The following ABCA12 variants were observed in gnomAD, a reference collection of about 807,000 sequenced individuals.
ABCA12 encodes glucosylceramide transporter ABCA12.
ABCA12 carries 156 observed loss-of-function variants against 293.5 expected under a neutral mutation model. The observed-to-expected ratio is 0.53, with a 90% confidence interval of 0.47 to 0.61. The LOEUF (loss-of-function observed/expected upper bound fraction) is 0.61. Ranked by LOEUF, ABCA12 falls within the 20% of genes least tolerant of loss-of-function variation. The probability of loss-of-function intolerance (pLI) is 0.00; values close to 1 mark genes in which losing one functional copy is unlikely to be tolerated. For missense variants in ABCA12, 2,797 were observed against 3,090.2 expected (o/e 0.91, Z 2.25); for synonymous variants, 1,063 against 1,108.0 (o/e 0.96, Z 0.81).
At chr2:215,126,411 TG>T (rs1228780658) in intron 1 of ABCA12, among the ~76,000 whole-genome samples, 3 of 152,204 alleles carry the variant, frequency 2.0e-5, no homozygotes, top group African/African-American at 7.2e-5. Context: ...AGAATTCTGC[TG>T]TGAATCTGTC....
Position 215,010,370 on chromosome 2 carries a change from A to G in ABCA12, c.2433T>C (p.Tyr811=), listed in dbSNP as rs779356956. The G allele has an allele frequency of 6.2e-7, 1 of 1,613,740 alleles. No homozygotes were observed. Among genetic ancestry groups the G allele is most frequent in the Admixed American group, 1.7e-5 (1 of 59,998 alleles). The change falls in exon 18 of 53, where the codon TAT becomes TAC. Residue 811 remains tyrosine (Y), a synonymous_variant. Coordinates refer to ENST00000272895, the MANE Select transcript of ABCA12 (RefSeq NM_173076.3). ...LKPMLLGRIL[Y]APYNPVTKAI... ...CCTTTGTGACTGGGTTATATGGTGC[A>G]TACAAAATTCTTCCCAACAACATAG...
chr2:215,120,900 G>T (rs1180075025), intron 1 of ABCA12, among the ~76,000 whole-genome samples: 17 of 152,094 alleles, frequency 1.1e-4, no homozygotes, highest in Admixed American at 1.0e-3. Flanking sequence ...CTTCCCCTAG[G>T]CAACTTTAAC....
At chr2:215,010,590 T>C in intron 17 of ABCA12, 120 bp from the exon 18 acceptor site, 1 of 1,141,344 alleles carries the variant, frequency 8.8e-7, no homozygotes, top group Non-Finnish European at 1.3e-6. Flanking sequence ...GTACTTCCTA[T>C]ATTATTAACA....
chr2:215,034,041 C>G (rs1700939975), intron 8 of ABCA12, among the ~76,000 whole-genome samples: 1 of 152,086 alleles, frequency 6.6e-6, no homozygotes, highest in Non-Finnish European at 1.5e-5. Context: ...CATAGATAAC[C>G]TCTTTTTATC....
intron 48 of ABCA12, among the ~76,000 whole-genome samples, chr2:214,946,195 G>A (rs561858618): frequency 6.6e-6 from 1 of 152,070 alleles, no homozygotes; most frequent in East Asian, 1.9e-4. Flanking sequence ...CCATAAATAT[G>A]TATAATTATT....
chr2:215,009,584 C>T (rs1328534136), intron 18 of ABCA12, among the ~76,000 whole-genome samples: 1 of 152,124 alleles, frequency 6.6e-6, no homozygotes, highest in Non-Finnish European at 1.5e-5. Flanking sequence ...TATTAAATCA[C>T]AGTTTTTATA....
chr2:215,078,962 A>G (rs1334507153), intron 2 of ABCA12, among the ~76,000 whole-genome samples: 1 of 152,214 alleles, frequency 6.6e-6, no homozygotes, highest in Non-Finnish European at 1.5e-5. Context: ...TGGGATGTGA[A>G]TCAGCACATG....
chr2:215,027,535 A>C (rs1700776307), intron 9 of ABCA12, among the ~76,000 whole-genome samples: 1 of 152,160 alleles, frequency 6.6e-6, no homozygotes, highest in South Asian at 2.1e-4. Context: ...GCACACTTAC[A>C]TGAAAGAAAA....
intron 7 of ABCA12, among the ~76,000 whole-genome samples, chr2:215,037,414 A>G (rs1701015985): frequency 6.6e-6 from 1 of 152,190 alleles, no homozygotes; most frequent in Admixed American, 6.5e-5. Flanking sequence ...TTAGCTAAAA[A>G]GAAAAATTAA....
At chr2:215,017,782 GA>G in intron 14 of ABCA12, 1 of 547,968 alleles carries the variant, frequency 1.8e-6, no homozygotes, top group South Asian at 2.1e-5. Context: ...TGGGGCATGG[GA>G]AAGGACAAGG....
At position 215,138,258 on chromosome 2, in the gene ABCA12, A is replaced by G. The variant is rs1265343521; in HGVS notation, c.-50T>C. ...TTTCCTCTTCTTTTCTCCACTCCACAAATGAAGAACTGATGCCCCGTCCAA... is the reference window on the plus strand; with the variant it reads ...TTTCCTCTTCTTTTCTCCACTCCACGAATGAAGAACTGATGCCCCGTCCAA... On this transcript the variant is annotated 5_prime_UTR_variant, in exon 1 of 53. Transcript: ENST00000272895. 2 of 1,596,416 alleles carry G rather than the reference A, an allele frequency of 1.3e-6. No homozygotes were observed. Among genetic ancestry groups the G allele is most frequent in the Admixed American group, 1.7e-5 (1 of 59,974 alleles).
At chr2:215,016,597 A>AAAAAAAAAAAAAAAAAAC in intron 14 of ABCA12, among the ~76,000 whole-genome samples, 1 of 141,074 alleles carries the variant, frequency 7.1e-6, no homozygotes, top group Non-Finnish European at 1.5e-5. Context: ...AAAAAAAAAA[A>AAAAAAAAAAAAAAAAAAC]AAAAAAAAAA....
intron 39 of ABCA12, chr2:214,962,142 A>G (rs774958067): frequency 6.6e-6 from 1 of 152,234 alleles, no homozygotes; most frequent in Non-Finnish European, 1.5e-5. Flanking sequence ...AGGCTCAAGA[A>G]GATGAGATGG....
At chr2:215,106,220 A>C (rs1219746717) in intron 2 of ABCA12, among the ~76,000 whole-genome samples, 1 of 152,186 alleles carries the variant, frequency 6.6e-6, no homozygotes, top group African/African-American at 2.4e-5. Context: ...TCTTCTTAAC[A>C]ATTCGGGCGC....
intron 5 of ABCA12, chr2:215,050,807 C>A: frequency 3.0e-6 from 3 of 985,266 alleles, no homozygotes; most frequent in Non-Finnish European, 3.6e-6. Context: ...AAAATGATTT[C>A]TCTACTCATT....
intron 20 of ABCA12, among the ~76,000 whole-genome samples, chr2:215,002,587 T>G (rs893378696): frequency 6.6e-5 from 10 of 152,232 alleles, no homozygotes; most frequent in African/African-American, 2.4e-4. Flanking sequence ...AAAATAGGAC[T>G]AAATTTCTCA....
chr2:215,108,169 C>G (rs77904984), intron 2 of ABCA12, among the ~76,000 whole-genome samples: 1,963 of 152,272 alleles, frequency 0.013, 28 homozygotes, highest in Non-Finnish European at 0.021. Flanking sequence ...ATGATTTTAA[C>G]TCTATTAAAG....
intron 1 of ABCA12, among the ~76,000 whole-genome samples, chr2:215,127,678 G>A (rs1702957167): frequency 6.6e-6 from 1 of 152,072 alleles, no homozygotes; most frequent in Non-Finnish European, 1.5e-5. Context: ...TTAAGTTTGT[G>A]TGACTCCTTT....
chr2:215,072,912 T>G (rs1449737900), intron 2 of ABCA12, among the ~76,000 whole-genome samples: 1 of 152,134 alleles, frequency 6.6e-6, no homozygotes, highest in Non-Finnish European at 1.5e-5. Flanking sequence ...CTGGCCAACA[T>G]GGTGAAACCC....
Sources: allele counts gnomAD v4.1 joint callset (sites outside exome capture counted in the v4.1 genomes callset), GRCh38; gene constraint gnomAD v4.1.1; transcripts MANE v1.5; gene names NCBI Gene and HGNC (gene_info 2026-07-23, HGNC 2026-07-21).